Variants in CDK5RAP2 observed in about 807,000 individuals in gnomAD.
CDK5RAP2 encodes CDK5 regulatory subunit-associated protein 2.
CDK5RAP2 carries 147 observed loss-of-function variants against 232.9 expected under a neutral mutation model. That is an observed-to-expected ratio of 0.63 (90% CI 0.55 to 0.72). The LOEUF is 0.72. Ranked by LOEUF, CDK5RAP2 falls within the 30% of genes least tolerant of loss-of-function variation. CDK5RAP2 has a pLI of 0.00. For synonymous variants in CDK5RAP2, 833 were observed against 833.7 expected (o/e 1.00, Z 0.01); for missense variants, 2,195 against 2,231.5 (o/e 0.98, Z 0.33).
intron 17 of CDK5RAP2, among the ~76,000 whole-genome samples, chr9:120,469,781 A>C (rs73660256): frequency 9.8e-5 from 15 of 152,342 alleles, no homozygotes; most frequent in African/African-American, 3.6e-4. Flanking sequence ...ATAATTATAG[A>C]TCAGTAAAAT....
intron 28 of CDK5RAP2, among the ~76,000 whole-genome samples, chr9:120,414,036 C>T (rs2034054219): frequency 6.6e-6 from 1 of 152,188 alleles, no homozygotes; most frequent in South Asian, 2.1e-4. Context: ...CTCAATTCTA[C>T]CATCTCTAAA....
At chr9:120,414,844 C>A (rs1163622549) in intron 28 of CDK5RAP2, among the ~76,000 whole-genome samples, 196 bp downstream of exon 28, 2 of 152,244 alleles carry the variant, frequency 1.3e-5, no homozygotes, top group Non-Finnish European at 1.5e-5. Flanking sequence ...AAATTCCTAT[C>A]TATTTCTCTC....
In CDK5RAP2 at chr9:120,410,851, C is replaced by T. The variant is rs146614988; in HGVS notation, c.4414+507G>A. Among the ~76,000 whole-genome samples, 241 of 152,294 alleles carry T rather than the reference C, an allele frequency of 1.6e-3. 1 individual carries two copies. The highest frequency in any genetic ancestry group is 5.6e-3 in the African/African-American group (234 of 41,552). On this transcript the variant is annotated intron_variant, in intron 29 of 37. Transcript: ENST00000349780. The stretch of plus-strand genomic sequence containing the variant: ...TGATACCTCATCCCAGAACTGTTTT[C>T]AGTAGTGAAAGATAATGTAAGTGAA...
intron 20 of CDK5RAP2, among the ~76,000 whole-genome samples, chr9:120,457,799 T>G (rs1157374319): frequency 1.3e-5 from 2 of 152,216 alleles, no homozygotes; most frequent in African/African-American, 2.4e-5. Flanking sequence ...CGTTTTTTTC[T>G]TATTCATCAC....
At chr9:120,539,428 G>A (rs547841581) in intron 5 of CDK5RAP2, among the ~76,000 whole-genome samples, 46 of 152,288 alleles carry the variant, frequency 3.0e-4, no homozygotes, top group African/African-American at 8.9e-4. Flanking sequence ...GAATCATTTA[G>A]TACACATCAG....
chr9:120,506,853 A>G (rs2039840090), intron 12 of CDK5RAP2, among the ~76,000 whole-genome samples: 1 of 152,246 alleles, frequency 6.6e-6, no homozygotes, highest in Non-Finnish European at 1.5e-5. Context: ...GATGCTGTGA[A>G]CATTGTTGAA....
At chr9:120,575,640 TTTATTC>T (rs2043006603) in intron 1 of CDK5RAP2, among the ~76,000 whole-genome samples, 1 of 152,176 alleles carries the variant, frequency 6.6e-6, no homozygotes, top group Non-Finnish European at 1.5e-5. Flanking sequence ...TTCATTCTAT[TTTATTC>T]TTAATTAGAG....
chr9:120,542,097 C>G (rs2041656364), intron 5 of CDK5RAP2, among the ~76,000 whole-genome samples: 1 of 152,152 alleles, frequency 6.6e-6, no homozygotes, highest in African/African-American at 2.4e-5. Flanking sequence ...CACGCCCCAA[C>G]AAAAATCCTA....
At position 120,520,759 on chromosome 9, in the gene CDK5RAP2, TGAGATATATCTCAGATATCTCATGAG is replaced by T. The variant is rs1442446283; in HGVS notation, c.1093-2140_1093-2115del. Among the ~76,000 whole-genome samples the T allele has an allele frequency of 1.0e-4, 12 of 119,552 alleles. No homozygotes were observed. The South Asian group carries it at 1.2e-3, about 12-fold the overall frequency. The allele number at this position is 119,552 out of a possible 152,430, so 78.4% of individuals were successfully genotyped here. Reference sequence around the variant, plus strand: ...GTATCATGTGATATCTCATATCTCATGAGATATATCTCAGATATCTCATGAGATATATCTCATATATCTCATGAGAT... The same window carrying T: ...GTATCATGTGATATCTCATATCTCATATATATCTCATATATCTCATGAGAT... On this transcript the variant is annotated intron_variant, in intron 11 of 37. Transcript: ENST00000349780.
chr9:120,533,608 AC>A (rs2041252989), intron 7 of CDK5RAP2, among the ~76,000 whole-genome samples: 1 of 151,962 alleles, frequency 6.6e-6, no homozygotes, highest in Non-Finnish European at 1.5e-5. Flanking sequence ...AGCCTGGCCA[AC>A]ATGGTGAAAC....
intron 25 of CDK5RAP2, among the ~76,000 whole-genome samples, chr9:120,429,457 C>A (rs914394703): frequency 6.6e-6 from 1 of 152,156 alleles, no homozygotes; most frequent in African/African-American, 2.4e-5. Context: ...CATTCTTATA[C>A]ACCAATAACA....
Position 120,426,916 on chromosome 9 carries a change from C to G in CDK5RAP2, c.3956-4175G>C, listed in dbSNP as rs559871306. Among the ~76,000 whole-genome samples, 81 of 152,262 alleles carry G rather than the reference C, an allele frequency of 5.3e-4. 1 individual carries two copies. The highest frequency in any genetic ancestry group is 4.2e-3 in the South Asian group (20 of 4,818). ...GTGTTAATACTGGTCAGCTGTGTGC[C>G]AGCTCCAAAGGGAGGAGAGTATAAT... On this transcript the variant is annotated intron_variant, in intron 25 of 37. Coordinates refer to ENST00000349780, the MANE Select transcript of CDK5RAP2 (RefSeq NM_018249.6).
Position 120,404,046 on chromosome 9 carries a change from T to C in CDK5RAP2, c.5031A>G (p.Thr1677=). The part of the protein sequence containing the change: ...FDLFDSSQAV[T]PKSVSETPPL... Reference sequence around the variant, plus strand: ...ACTTCAGCTTTGTACCTGATTTTGGTGTCACTGCCTGGGAGGAATCAAACA... The same window carrying C: ...ACTTCAGCTTTGTACCTGATTTTGGCGTCACTGCCTGGGAGGAATCAAACA... Residue 1677 remains threonine, a synonymous_variant, in exon 33 of 38, where the codon ACA becomes ACG. Transcript: ENST00000349780. The C allele has an allele frequency of 6.2e-7, 1 of 1,610,088 alleles. No individual in the cohort carries two copies. Among genetic ancestry groups the C allele is most frequent in the South Asian group, 1.1e-5 (1 of 90,990 alleles).
intron 26 of CDK5RAP2, among the ~76,000 whole-genome samples, chr9:120,421,325 C>T (rs996258132): frequency 6.6e-6 from 1 of 152,216 alleles, no homozygotes; most frequent in Non-Finnish European, 1.5e-5. Flanking sequence ...CTCTCTAAAG[C>T]ATGCCAGTGG....
intron 36 of CDK5RAP2, chr9:120,390,033 G>A: frequency 1.9e-6 from 1 of 532,352 alleles, no homozygotes; most frequent in East Asian, 3.5e-5. Context: ...TGACAGTGAT[G>A]CAGAGGCTAC....
At chr9:120,528,458 G>A (rs2041003562) in intron 9 of CDK5RAP2, among the ~76,000 whole-genome samples, 1 of 152,168 alleles carries the variant, frequency 6.6e-6, no homozygotes, top group African/African-American at 2.4e-5. Flanking sequence ...CACATGGGCA[G>A]GTCCAAATCT....
chr9:120,540,175 C>T (rs2131988287), intron 5 of CDK5RAP2, among the ~76,000 whole-genome samples: 1 of 152,294 alleles, frequency 6.6e-6, no homozygotes, highest in South Asian at 2.1e-4. Flanking sequence ...AGGACTACAA[C>T]CACCGATGCC....
At chr9:120,532,005 A>AT (rs35525358) in intron 7 of CDK5RAP2, among the ~76,000 whole-genome samples, 1,546 of 145,862 alleles carry the variant, frequency 0.011, 19 homozygotes, top group African/African-American at 0.03. Flanking sequence ...ATAAAACTGA[A>AT]TTTTTTTTTT....
intron 23 of CDK5RAP2, 148 bp downstream of exon 23, chr9:120,443,472 A>T: frequency 1.0e-6 from 1 of 986,948 alleles, no homozygotes; most frequent in Non-Finnish European, 1.6e-6. Flanking sequence ...ATTATTTCTT[A>T]AAACCTCAGC....
Sources: allele counts gnomAD v4.1 joint callset (sites outside exome capture counted in the v4.1 genomes callset), GRCh38; gene constraint gnomAD v4.1.1; transcripts MANE v1.5; gene names NCBI Gene and HGNC (gene_info 2026-07-23, HGNC 2026-07-21).